EPG5: variants seen among roughly 807,000 people sequenced by gnomAD.
EPG5 encodes the protein ectopic P-granules 5 autophagy tethering factor.
In EPG5, 159 loss-of-function variants were observed where a neutral mutation model predicts 302.7. The observed-to-expected ratio is 0.53, with a 90% CI of 0.46 to 0.60. EPG5 has a LOEUF of 0.60. Ranked by LOEUF, EPG5 falls within the 20% of genes least tolerant of loss-of-function variation. EPG5 has a pLI of 0.00. For synonymous variants in EPG5, 1,158 were observed against 1,136.8 expected (o/e 1.02, Z -0.37); for missense variants, 2,896 against 3,092.4 (o/e 0.94, Z 1.51).
chr18:45,833,292 G>A, the EPG5 span, among the ~76,000 whole-genome samples: 1 of 152,064 alleles, frequency 6.6e-6, no homozygotes, highest in Non-Finnish European at 1.5e-5. Context: ...TGATGGGGTT[G>A]TTGTGCATTT....
At chr18:45,836,888 T>A in the EPG5 span, 3 of 589,380 alleles carry the variant, frequency 5.1e-6, no homozygotes, top group East Asian at 8.5e-5. Context: ...CAGCCTCTAG[T>A]GCACTAGAAT....
intron 39 of EPG5, among the ~76,000 whole-genome samples, chr18:45,864,105 G>A (rs901681625): frequency 4.0e-5 from 6 of 151,878 alleles, no homozygotes; most frequent in Admixed American, 6.6e-5. Context: ...CCTCACTTTC[G>A]TATTCTTTTT....
intron 7 of EPG5, among the ~76,000 whole-genome samples, chr18:45,944,801 C>T (rs2050751522): frequency 6.6e-6 from 1 of 152,136 alleles, no homozygotes; most frequent in Non-Finnish European, 1.5e-5. Context: ...ATGTTAGCTG[C>T]AATTCTCTTC....
the EPG5 span, among the ~76,000 whole-genome samples, chr18:45,825,046 T>C: frequency 2.0e-5 from 3 of 150,626 alleles, no homozygotes; most frequent in African/African-American, 7.3e-5. Flanking sequence ...GGTCAACTGC[T>C]CAAAGAGCAA....
At chr18:45,873,370 T>C (rs1275603555) in intron 35 of EPG5, among the ~76,000 whole-genome samples, 1 of 151,730 alleles carries the variant, frequency 6.6e-6, no homozygotes, top group African/African-American at 2.4e-5. Flanking sequence ...ATCAGCCGGG[T>C]GTGGTGGCGG....
chr18:45,880,695 G>C (rs2049078346), intron 31 of EPG5, among the ~76,000 whole-genome samples: 1 of 152,182 alleles, frequency 6.6e-6, no homozygotes, highest in African/African-American at 2.4e-5. Context: ...GAGGCAGCAT[G>C]GAAACGCTGG....
intron 21 of EPG5, among the ~76,000 whole-genome samples, chr18:45,912,749 T>G (rs1385757482): frequency 6.6e-6 from 1 of 152,192 alleles, no homozygotes; most frequent in Non-Finnish European, 1.5e-5. Flanking sequence ...CTGAAATTCC[T>G]TGGCGAATAC....
chr18:45,874,315 A>C (rs1028224476), intron 35 of EPG5, among the ~76,000 whole-genome samples: 15 of 152,200 alleles, frequency 9.9e-5, no homozygotes, highest in African/African-American at 3.6e-4. Flanking sequence ...GTAAACCTAA[A>C]ACTGCTCTAA....
intron 34 of EPG5, among the ~76,000 whole-genome samples, chr18:45,877,735 A>C (rs776941070): frequency 6.6e-6 from 1 of 152,186 alleles, no homozygotes; most frequent in Non-Finnish European, 1.5e-5. Flanking sequence ...ATGAGACTTG[A>C]GTTTGACATT....
In EPG5 at chr18:45,849,500, T is replaced by C. The variant is rs940205743; in HGVS notation, c.*2967A>G. The C allele has an allele frequency of 1.3e-5, 2 of 152,208 alleles. No homozygotes were observed. The highest frequency in any genetic ancestry group is 4.8e-5 in the African/African-American group (2 of 41,434). 9.4% of individuals were successfully genotyped at this position (152,208 alleles called of 1,614,324 possible). On this transcript the variant is annotated 3_prime_UTR_variant, in exon 44 of 44. Coordinates refer to ENST00000282041, the MANE Select transcript of EPG5 (RefSeq NM_020964.3). ...GCTCCAGAAGAAAGAATTTCAGGAA[T>C]AAAAACTCAGTGAAAAAGTATATAT...
intron 17 of EPG5, among the ~76,000 whole-genome samples, chr18:45,917,095 CAT>C (rs774150108): frequency 4.6e-5 from 7 of 152,134 alleles, no homozygotes; most frequent in Non-Finnish European, 1.0e-4. Flanking sequence ...TGAAAAGACA[CAT>C]AACAGGAAAA....
At chr18:45,886,528 T>C (rs755175483) in intron 29 of EPG5, among the ~76,000 whole-genome samples, 7 of 152,228 alleles carry the variant, frequency 4.6e-5, no homozygotes, top group Non-Finnish European at 7.3e-5. Flanking sequence ...TATACACAAA[T>C]AGACACACAT....
At chr18:45,869,513 T>C (rs1308075703) in intron 36 of EPG5, among the ~76,000 whole-genome samples, 1 of 152,238 alleles carries the variant, frequency 6.6e-6, no homozygotes, top group Non-Finnish European at 1.5e-5. Flanking sequence ...TGTGCTACTA[T>C]CTAATCTGTC....
In EPG5 at chr18:45,939,645, T is replaced by A; in HGVS notation, c.2054A>T (p.Asp685Val). 2 of 1,614,166 alleles carry A rather than the reference T, an allele frequency of 1.2e-6. No individual in the cohort carries two copies. Among genetic ancestry groups the A allele is most frequent in the Non-Finnish European group, 1.7e-6 (2 of 1,180,032 alleles). ...TAGGACAGCCCTCAAAAACAGTTCATCAAATTCAACCTGTAGTTTCTCCAT... is the reference window on the plus strand; with the variant it reads ...TAGGACAGCCCTCAAAAACAGTTCAACAAATTCAACCTGTAGTTTCTCCAT... ...YSMEKLQVEF[D>V]ELFLRAVLHV... The change falls in exon 10 of 44, where the codon GAT (aspartate) becomes GTT (valine). Residue 685 changes from aspartate to valine, a missense_variant. Asp to Val is a radical substitution (Grantham distance 152). Around this residue, in one of 5 missense-constraint regions of EPG5, gnomAD observed 1,390 missense variants for 1,430.0 expected, o/e 0.97. Coordinates refer to ENST00000282041, the MANE Select transcript of EPG5 (RefSeq NM_020964.3).
intron 7 of EPG5, among the ~76,000 whole-genome samples, chr18:45,945,864 T>C (rs1458803636): frequency 6.6e-6 from 1 of 152,156 alleles, no homozygotes; most frequent in Non-Finnish European, 1.5e-5. Flanking sequence ...GCTCCCTACT[T>C]CTGAATGAGC....
chr18:45,937,469 C>T (rs1026952979), intron 10 of EPG5, among the ~76,000 whole-genome samples: 15 of 152,104 alleles, frequency 9.9e-5, no homozygotes, highest in Middle Eastern at 6.8e-3. Context: ...TACAGTGGCG[C>T]GATCTCAGCT....
chr18:45,838,560 T>C, the EPG5 span: 1 of 920,072 alleles, frequency 1.1e-6, no homozygotes, highest in South Asian at 1.9e-5. Context: ...GATGATAGAA[T>C]CTTTCGCCCA....
chr18:45,946,121 G>A (rs1369408268), intron 7 of EPG5, among the ~76,000 whole-genome samples: 2 of 152,148 alleles, frequency 1.3e-5, no homozygotes, highest in Non-Finnish European at 2.9e-5. Context: ...ATTAACAAGG[G>A]TGATCTCGAG....
intron 16 of EPG5, among the ~76,000 whole-genome samples, chr18:45,919,111 A>G (rs763783875): frequency 6.6e-6 from 1 of 152,262 alleles, no homozygotes; most frequent in Non-Finnish European, 1.5e-5. Context: ...CAATGATTTT[A>G]TGATGGGAAA....
Sources: gnomAD v4.1 joint callset for allele counts (sites outside exome capture counted in the v4.1 genomes callset) on GRCh38, gnomAD v4.1.1 for gene constraint, gnomAD v4.1.1 regional missense constraint, MANE v1.5 for transcripts, NCBI Gene and HGNC (gene_info 2026-07-23, HGNC 2026-07-21) for gene names.